The following PDE4D variants were observed in gnomAD, a reference collection of about 807,000 sequenced individuals.
PDE4D encodes the protein 3',5'-cyclic-AMP phosphodiesterase 4D.
PDE4D carries 24 observed loss-of-function variants against 87.4 expected under a neutral mutation model. The ratio of observed to expected loss-of-function variants is 0.27; its 90% CI spans 0.20 to 0.39. PDE4D has a LOEUF of 0.39. Among genes scored for constraint, PDE4D ranks in the 10% least tolerant of loss-of-function variants. The probability of loss-of-function intolerance (pLI) is 1.00; values close to 1 mark genes in which losing one functional copy is unlikely to be tolerated. For missense variants in PDE4D, 714 were observed against 1,041.0 expected (o/e 0.69, Z 4.32); for synonymous variants, 384 against 383.2 (o/e 1.00, Z -0.02).
At chr5:60,178,930 G>A (rs994741562) in intron 2 of PDE4D, among the ~76,000 whole-genome samples, 1 of 152,134 alleles carries the variant, frequency 6.6e-6, no homozygotes, top group Admixed American at 6.6e-5. Context: ...AACTGTCATA[G>A]TTTGGTCAAA....
At chr5:60,449,294 G>A (rs1245957394) in intron 1 of PDE4D, among the ~76,000 whole-genome samples, 1 of 151,786 alleles carries the variant, frequency 6.6e-6, no homozygotes, top group Non-Finnish European at 1.5e-5. Context: ...TGTTCTGAAA[G>A]AAACAACCTC....
At chr5:59,069,176 A>G (rs931560955) in intron 5 of PDE4D, among the ~76,000 whole-genome samples, 4 of 152,164 alleles carry the variant, frequency 2.6e-5, no homozygotes, top group Non-Finnish European at 5.9e-5. Flanking sequence ...CCAAAAATCA[A>G]TTTAAATCCA....
At chr5:59,930,724 T>C (rs1404325281) in intron 3 of PDE4D, among the ~76,000 whole-genome samples, 1 of 152,188 alleles carries the variant, frequency 6.6e-6, no homozygotes, top group African/African-American at 2.4e-5. Context: ...AGGGGCCCCA[T>C]TGCTCAAGGA....
intron 1 of PDE4D, among the ~76,000 whole-genome samples, chr5:60,366,381 G>GTGTC (rs1309880558): frequency 1.3e-5 from 2 of 152,146 alleles, no homozygotes; most frequent in African/African-American, 2.4e-5. Flanking sequence ...CATACACCAA[G>GTGTC]TGTCTTCAAA....
chr5:59,931,697 T>C (rs981059072), intron 3 of PDE4D, among the ~76,000 whole-genome samples: 2 of 142,940 alleles, frequency 1.4e-5, no homozygotes, highest in African/African-American at 2.8e-5. Flanking sequence ...TCTTCTTCTT[T>C]TTTTTTTTTT....
chr5:59,639,733 A>G (rs1741219408), intron 1 of PDE4D, among the ~76,000 whole-genome samples: 2 of 152,120 alleles, frequency 1.3e-5, no homozygotes, highest in Admixed American at 1.3e-4. Context: ...AGACCCACAC[A>G]TTCCTGACAA....
chr5:59,191,396 A>T (rs528011833), intron 3 of PDE4D, among the ~76,000 whole-genome samples: 235 of 151,846 alleles, frequency 1.5e-3, no homozygotes, highest in African/African-American at 5.3e-3. Flanking sequence ...ATTTATATAT[A>T]TTTTTTCTTA....
At chr5:60,001,910 C>A (rs530460808) in intron 2 of PDE4D, among the ~76,000 whole-genome samples, 2 of 142,094 alleles carry the variant, frequency 1.4e-5, no homozygotes, top group African/African-American at 5.2e-5. Flanking sequence ...TCTAATAGAT[C>A]CAGAAAAGAC....
intron 1 of PDE4D, among the ~76,000 whole-genome samples, chr5:59,541,508 T>C (rs573601166): frequency 1.1e-4 from 17 of 152,226 alleles, no homozygotes; most frequent in Non-Finnish European, 2.4e-4. Flanking sequence ...AGTGTTCATA[T>C]GAGTAAAAAC....
chr5:59,713,430 T>A (rs775190505), intron 1 of PDE4D, among the ~76,000 whole-genome samples: 1 of 152,146 alleles, frequency 6.6e-6, no homozygotes, highest in African/African-American at 2.4e-5. Context: ...AAGGTATAAC[T>A]ACCGGACTGA....
At chr5:59,948,975 C>T (rs1451920120) in intron 3 of PDE4D, among the ~76,000 whole-genome samples, 1 of 152,228 alleles carries the variant, frequency 6.6e-6, no homozygotes, top group Non-Finnish European at 1.5e-5. Flanking sequence ...ATTTCATCCT[C>T]AAACTGAAGC....
intron 1 of PDE4D, among the ~76,000 whole-genome samples, chr5:59,414,170 C>A (rs1369283658): frequency 6.6e-6 from 1 of 152,218 alleles, no homozygotes; most frequent in Non-Finnish European, 1.5e-5. Context: ...AATGCCAGTG[C>A]ACACGTTATT....
intron 3 of PDE4D, among the ~76,000 whole-genome samples, chr5:59,188,614 C>T (rs1743466005): frequency 6.6e-6 from 1 of 152,028 alleles, no homozygotes; most frequent in Non-Finnish European, 1.5e-5. Flanking sequence ...ACACTTGTTA[C>T]CACTAGATGG....
At chr5:60,146,964 T>C (rs1435788664) in intron 2 of PDE4D, among the ~76,000 whole-genome samples, 1 of 152,096 alleles carries the variant, frequency 6.6e-6, no homozygotes, top group Non-Finnish European at 1.5e-5. Flanking sequence ...GAAAAAAAGA[T>C]AATAAATATT....
chr5:60,396,714 G>T (rs549865897), intron 1 of PDE4D, among the ~76,000 whole-genome samples: 41 of 152,242 alleles, frequency 2.7e-4, no homozygotes, highest in Non-Finnish European at 4.6e-4. Context: ...CAAGGCTGGA[G>T]ATTTTGCCCC....
At chr5:59,199,947 CAT>C (rs1164397955) in intron 2 of PDE4D, among the ~76,000 whole-genome samples, 6 of 151,318 alleles carry the variant, frequency 4.0e-5, no homozygotes, top group African/African-American at 1.5e-4. Context: ...TACATATATA[CAT>C]ACATGTATAC....
chr5:60,313,343 T>C (rs1267170285), intron 1 of PDE4D, among the ~76,000 whole-genome samples: 1 of 152,076 alleles, frequency 6.6e-6, no homozygotes, highest in Admixed American at 6.5e-5. Flanking sequence ...TTTTTCAGGG[T>C]AAATTCCTGG....
chr5:60,105,382 C>T (rs538967299), intron 2 of PDE4D, among the ~76,000 whole-genome samples: 12 of 152,288 alleles, frequency 7.9e-5, no homozygotes, highest in Non-Finnish European at 1.6e-4. Context: ...AAATCTATGT[C>T]GGATTGGTGT....
intron 5 of PDE4D, among the ~76,000 whole-genome samples, chr5:59,040,452 G>A (rs72770681): frequency 2.4e-4 from 37 of 152,346 alleles, no homozygotes; most frequent in Admixed American, 4.6e-4. Context: ...ATAAGACCTA[G>A]ATGATCTTGG....
Sources: allele counts gnomAD v4.1 joint callset (sites outside exome capture counted in the v4.1 genomes callset), GRCh38; gene constraint gnomAD v4.1.1; transcripts MANE v1.5; gene names NCBI Gene and HGNC (gene_info 2026-07-23, HGNC 2026-07-21).